Variants in ARHGAP23 observed in about 807,000 individuals in gnomAD.
The protein encoded by ARHGAP23 is rho GTPase-activating protein 23.
In ARHGAP23, 34 loss-of-function variants were observed where a neutral mutation model predicts 136.3. The observed-to-expected ratio is 0.25, with a 90% confidence interval of 0.19 to 0.33. ARHGAP23 has a LOEUF of 0.33. ARHGAP23 is among the 10% of genes least tolerant of loss of function. The pLI is 1.00. For missense variants in ARHGAP23, 1,808 were observed against 2,139.0 expected, an observed-to-expected ratio of 0.85 and a Z score of 3.05; for synonymous variants, 832 against 920.5, an observed-to-expected ratio of 0.90 and a Z score of 1.74.
At position 38,479,313 on chromosome 17, in the gene ARHGAP23, C is replaced by G. The variant is rs2039973954; in HGVS notation, c.2437-123C>G. ...TGGGGAGTCCAGGCCTGGTCTTTCTCACTCCAGGGTCTGGGCTGTCCACCT... is the reference window on the plus strand; with the variant it reads ...TGGGGAGTCCAGGCCTGGTCTTTCTGACTCCAGGGTCTGGGCTGTCCACCT... On this transcript the variant is annotated intron_variant, in intron 12 of 23. Coordinates refer to ENST00000622683, the MANE Select transcript of ARHGAP23 (RefSeq NM_001199417.2). 3.8e-5 allele frequency: 26 copies of G among 690,634 alleles called. 2 individuals are homozygous for G. In the South Asian group the frequency reaches 3.8e-4, roughly 10 times the overall value. 42.8% of individuals were successfully genotyped at this position (690,634 alleles called of 1,614,324 possible).
At chr17:38,496,561 G>T (rs2040397082) in intron 20 of ARHGAP23, among the ~76,000 whole-genome samples, 1 of 152,212 alleles carries the variant, frequency 6.6e-6, no homozygotes, top group Non-Finnish European at 1.5e-5. Flanking sequence ...ACTTGCTCAA[G>T]TATTCAGTTA....
At chr17:38,420,329 G>A (rs1202782975) in intron 1 of ARHGAP23, among the ~76,000 whole-genome samples, 1 of 152,252 alleles carries the variant, frequency 6.6e-6, no homozygotes, top group Non-Finnish European at 1.5e-5. Context: ...CTTGGGGTGA[G>A]GTCTCAGGTG....
chr17:38,492,923 C>G (rs2040309539), intron 20 of ARHGAP23, among the ~76,000 whole-genome samples: 1 of 152,228 alleles, frequency 6.6e-6, no homozygotes, highest in Non-Finnish European at 1.5e-5. Flanking sequence ...GTGTCTGGCC[C>G]TGTGCTCCTG....
chr17:38,460,784 G>A, intron 2 of ARHGAP23, 121 bp from the exon 3 acceptor site: 1 of 1,531,058 alleles, frequency 6.5e-7, no homozygotes, highest in Non-Finnish European at 8.7e-7. Context: ...CCCCTGCTGG[G>A]CTACTTGGGA....
intron 1 of ARHGAP23, among the ~76,000 whole-genome samples, chr17:38,445,722 C>T (rs1359208584): frequency 2.6e-5 from 4 of 151,542 alleles, no homozygotes; most frequent in African/African-American, 4.9e-5. Flanking sequence ...GCAGCCTTGA[C>T]GCCCTGGGCT....
intron 1 of ARHGAP23, among the ~76,000 whole-genome samples, chr17:38,448,820 A>AT (rs2039092650): frequency 7.2e-6 from 1 of 138,006 alleles, no homozygotes; most frequent in Admixed American, 7.0e-5. Context: ...TAATTTTTAA[A>AT]TTTTTTGTAG....
chr17:38,445,108 G>A lies in ARHGAP23; in HGVS notation c.64-12994G>A, dbSNP rs1029021060. On this transcript the variant is annotated intron_variant, in intron 1 of 23. Coordinates refer to ENST00000622683, the MANE Select transcript of ARHGAP23 (RefSeq NM_001199417.2). Reference sequence around the variant, plus strand: ...GCTGGGATTACAGGCCTGAGCCACCGTGCCTGGCCTTTTATTTTGTGTGTG... The same window carrying A: ...GCTGGGATTACAGGCCTGAGCCACCATGCCTGGCCTTTTATTTTGTGTGTG... Among the ~76,000 whole-genome samples, 5 of 151,268 alleles carry A rather than the reference G, an allele frequency of 3.3e-5. 1 individual carries two copies. The highest frequency in any genetic ancestry group is 1.5e-5 in the Non-Finnish European group (1 of 67,848).
At position 38,462,740 on chromosome 17, in the gene ARHGAP23, C is replaced by T. The variant is rs531189469; in HGVS notation, c.254-106C>T. ...GTTTGAGCCTGTGCATGTTTGTGACCGGACGAGTGCAATCATTCTCTGAGT... is the reference window on the plus strand; with the variant it reads ...GTTTGAGCCTGTGCATGTTTGTGACTGGACGAGTGCAATCATTCTCTGAGT... On this transcript the variant is annotated intron_variant, in intron 3 of 23. Transcript: ENST00000622683. 16 of 817,204 alleles carry T rather than the reference C, an allele frequency of 2.0e-5. No individual in the cohort carries two copies. In the Admixed American group the frequency reaches 2.1e-4, roughly 11 times the overall value. The allele number at this position is 817,204 out of a possible 1,614,324, so 50.6% of individuals were successfully genotyped here.
upstream of ARHGAP23, among the ~76,000 whole-genome samples, chr17:38,427,493 G>C (rs1227427908): frequency 6.6e-6 from 1 of 152,150 alleles, no homozygotes; most frequent in Non-Finnish European, 1.5e-5. Flanking sequence ...AAGACAGAAG[G>C]ACTGTCCCTC....
At position 38,489,020 on chromosome 17, in the gene ARHGAP23, C is replaced by A. The variant is rs35348639; in HGVS notation, c.2987-1082C>A. Among the ~76,000 whole-genome samples the A allele has an allele frequency of 2.2e-3, 333 of 151,864 alleles. 2 individuals carry two copies. The highest frequency in any genetic ancestry group is 7.7e-3 in the African/African-American group (318 of 41,388). On this transcript the variant is annotated intron_variant, in intron 17 of 23. Coordinates refer to ENST00000622683, the MANE Select transcript of ARHGAP23 (RefSeq NM_001199417.2). ...CCTCCCAAGTAGCTGGGATTACAGG[C>A]GCCTACCACCATGCCCAGTTAATTT...
intron 11 of ARHGAP23, among the ~76,000 whole-genome samples, chr17:38,475,314 A>C (rs1294750320): frequency 6.6e-6 from 1 of 152,156 alleles, no homozygotes; most frequent in Non-Finnish European, 1.5e-5. Flanking sequence ...TCACTCATTT[A>C]CCAGCCGGAG....
chr17:38,452,634 G>A (rs1002575578), intron 1 of ARHGAP23, among the ~76,000 whole-genome samples: 4 of 152,152 alleles, frequency 2.6e-5, no homozygotes, highest in African/African-American at 9.7e-5. Flanking sequence ...TACAAATGAG[G>A]CCATAGAAAT....
chr17:38,459,654 A>G, intron 2 of ARHGAP23, among the ~76,000 whole-genome samples: 1 of 152,346 alleles, frequency 6.6e-6, no homozygotes, highest in African/African-American at 2.4e-5. Flanking sequence ...GGGCCAGGCA[A>G]GCCAGGGACA....
At position 38,477,719 on chromosome 17, in the gene ARHGAP23, G is replaced by A. The variant is rs777695585; in HGVS notation, c.2259G>A (p.Ala753=). The stretch of plus-strand genomic sequence containing the variant: ...CGGCCGGCGCAGGTGAGGACGAGGC[G>A]GCGCCCGTCTGCATCGGCTCCTGCC... ...AAAAGAGEDE[A]APVCIGSCLV... The change falls in exon 12 of 24, where the codon GCG becomes GCA. Residue 753 remains alanine, a synonymous_variant. Coordinates refer to ENST00000622683, the MANE Select transcript of ARHGAP23 (RefSeq NM_001199417.2). The surrounding 1 kb of genome is among the most constrained non-coding windows in gnomAD (Gnocchi z 6.6). 3 of 1,544,296 alleles carry A rather than the reference G, an allele frequency of 1.9e-6. No individual in the cohort carries two copies. The highest frequency in any genetic ancestry group is 2.0e-5 in the Admixed American group (1 of 50,694).
chr17:38,463,210 ACCCCTCGTCCCATATTATCT>A lies in ARHGAP23; in HGVS notation c.428+21_428+40del. ...GATCCAGAATAGGTGAGTGTCCCTG[ACCCCTCGTCCCATATTATCT>A]CCCCTCCCCTTTGCCCTGGGGATGC... is the stretch of plus-strand genomic sequence containing the variant. On this transcript the variant is annotated intron_variant, in intron 5 of 23. Transcript: ENST00000622683. 6.4e-7 allele frequency: 1 copy of A among 1,550,804 alleles called. No homozygotes were observed. Among genetic ancestry groups the A allele is most frequent in the Non-Finnish European group, 8.7e-7 (1 of 1,146,592 alleles).
chr17:38,455,556 G>T (rs890665668), intron 1 of ARHGAP23, among the ~76,000 whole-genome samples: 4 of 152,192 alleles, frequency 2.6e-5, no homozygotes, highest in Non-Finnish European at 4.4e-5. Context: ...GGGAGGGGCG[G>T]GGGGCGTGCG....
In ARHGAP23 at chr17:38,455,755, C is replaced by T. The variant is rs527820738; in HGVS notation, c.64-2347C>T. On this transcript the variant is annotated intron_variant, in intron 1 of 23. Transcript: ENST00000622683. ...AGGAGAGGGCAGTTGGTGAGGGGAC[C>T]CCCAGACCCTTTTCGCTCCCTGATC... is the stretch of plus-strand genomic sequence containing the variant. Among the ~76,000 whole-genome samples, 247 of 152,254 alleles carry T rather than the reference C, an allele frequency of 1.6e-3. 1 individual carries two copies. Among genetic ancestry groups the T allele is most frequent in the Middle Eastern group, 6.8e-3 (2 of 294 alleles).
At chr17:38,437,313 T>C (rs1432621599) in intron 1 of ARHGAP23, among the ~76,000 whole-genome samples, 1 of 151,844 alleles carries the variant, frequency 6.6e-6, no homozygotes, top group Non-Finnish European at 1.5e-5. Context: ...TTTGTAGCGA[T>C]GGGGGTCTCC....
intron 6 of ARHGAP23, among the ~76,000 whole-genome samples, chr17:38,465,107 G>A (rs1372544908): frequency 6.6e-6 from 1 of 151,972 alleles, no homozygotes; most frequent in Non-Finnish European, 1.5e-5. Context: ...GGGGGTGGGC[G>A]GAGGCGGGCT....
Sources: gnomAD v4.1 joint callset for allele counts (sites outside exome capture counted in the v4.1 genomes callset) on GRCh38, gnomAD v4.1.1 for gene constraint, Gnocchi (gnomAD v3.1) non-coding constraint, MANE v1.5 for transcripts, NCBI Gene and HGNC (gene_info 2026-07-23, HGNC 2026-07-21) for gene names.